LHPP: variants seen among roughly 807,000 people sequenced by gnomAD.
LHPP encodes the protein phospholysine phosphohistidine inorganic pyrophosphate phosphatase.
LHPP carries 24 observed loss-of-function variants against 30.3 expected under a neutral mutation model. The observed-to-expected ratio is 0.79, with a 90% CI of 0.57 to 1.11. The LOEUF is 1.11. Among genes scored for constraint, LHPP ranks in the 50% most tolerant of loss-of-function variants. LHPP has a pLI of 0.00. For synonymous variants in LHPP, 150 were observed against 157.1 expected, an observed-to-expected ratio of 0.95 and a Z score of 0.34; for missense variants, 356 against 367.2, an observed-to-expected ratio of 0.97 and a Z score of 0.25.
chr10:124,514,305 T>C (rs956354129), intron 5 of LHPP, among the ~76,000 whole-genome samples: 3 of 152,168 alleles, frequency 2.0e-5, no homozygotes. Flanking sequence ...TTTCTGGTGT[T>C]GATGTGTATT....
intron 6 of LHPP, among the ~76,000 whole-genome samples, chr10:124,535,526 G>A (rs946340409): frequency 6.6e-6 from 1 of 152,110 alleles, no homozygotes; most frequent in Non-Finnish European, 1.5e-5. Context: ...CTCCCAAGTA[G>A]CCGGGACTAT....
In LHPP at chr10:124,488,575, G is replaced by C. The variant is rs759925730; in HGVS notation, c.467G>C (p.Gly156Ala). ...EKPVLISLGK[G>A]RYYKETSGLM... ...CCTGTGCTCATATCACTGGGAAAAG[G>C]GTAAGTTGGCTCCAGGGAGAGTCAT... The change falls in exon 3 of 7, where the codon GGG (glycine) becomes GCG (alanine). Residue 156 changes from glycine (G) to alanine (A), a missense_variant and splice_region_variant. Physicochemically the swap from Gly to Ala is moderately conservative, Grantham distance 60. Transcript: ENST00000368842. 1.2e-6 allele frequency: 2 copies of C among 1,606,300 alleles called. No individual in the cohort carries two copies. Among genetic ancestry groups the C allele is most frequent in the African/African-American group, 2.7e-5 (2 of 74,038 alleles).
chr10:124,604,010 C>T (rs1301399425), intron 6 of LHPP, among the ~76,000 whole-genome samples: 1 of 152,214 alleles, frequency 6.6e-6, no homozygotes, highest in Non-Finnish European at 1.5e-5. Flanking sequence ...AGGTCAGAGT[C>T]CTTTGTGTGC....
chr10:124,549,644 G>A (rs558374529), intron 6 of LHPP, among the ~76,000 whole-genome samples: 23 of 152,346 alleles, frequency 1.5e-4, no homozygotes, highest in Non-Finnish European at 2.5e-4. Flanking sequence ...ACAACATCTG[G>A]GGTTGCCATG....
intron 6 of LHPP, among the ~76,000 whole-genome samples, chr10:124,555,275 C>T: frequency 6.6e-6 from 1 of 152,186 alleles, no homozygotes; most frequent in East Asian, 1.9e-4. Flanking sequence ...GGACCACAGC[C>T]ACAGGCCTGC....
chr10:124,554,696 A>C (rs1035331414), intron 6 of LHPP, among the ~76,000 whole-genome samples: 1 of 152,050 alleles, frequency 6.6e-6, no homozygotes, highest in African/African-American at 2.4e-5. Flanking sequence ...GGCTGTCTGC[A>C]CCTCGCTTAC....
chr10:124,610,353 G>A (rs1949157714), intron 6 of LHPP, among the ~76,000 whole-genome samples: 1 of 144,420 alleles, frequency 6.9e-6, no homozygotes, highest in African/African-American at 2.7e-5. Flanking sequence ...GCGGGTGAGG[G>A]TGCGGGTGAG....
chr10:124,592,218 T>C lies in LHPP; in HGVS notation c.717-21046T>C, dbSNP rs1440140992. Among the ~76,000 whole-genome samples, 1 of 152,130 alleles carries C rather than the reference T, an allele frequency of 6.6e-6. No homozygotes were observed. Among genetic ancestry groups the C allele is most frequent in the Non-Finnish European group, 1.5e-5 (1 of 68,026 alleles). ...GGTGGCCTGCCTGCATATGCCAGGT[T>C]CTGTGTATCACATCTCTCACCAGGA... On this transcript the variant is annotated intron_variant, in intron 6 of 6. Transcript: ENST00000368842. This position sits in a 1 kb window ranked among gnomAD's most constrained non-coding sequence, Gnocchi z 6.2.
intron 1 of LHPP, among the ~76,000 whole-genome samples, chr10:124,477,400 G>T (rs1159932635): frequency 2.0e-5 from 3 of 152,190 alleles, no homozygotes; most frequent in African/African-American, 4.8e-5. Context: ...CAGCACACCA[G>T]GTGATGTCTG....
intron 6 of LHPP, among the ~76,000 whole-genome samples, chr10:124,538,947 C>A (rs562736073): frequency 9.2e-5 from 14 of 152,304 alleles, no homozygotes; most frequent in Admixed American, 2.6e-4. Context: ...CAAGGCCCTT[C>A]ATTTCTCTAA....
At chr10:124,611,164 G>A (rs1949192958) in intron 6 of LHPP, among the ~76,000 whole-genome samples, 1 of 151,868 alleles carries the variant, frequency 6.6e-6, no homozygotes, top group South Asian at 2.1e-4. Flanking sequence ...GATCCCCACT[G>A]GTACTGGCAT....
At chr10:124,564,240 C>T (rs774527398) in intron 6 of LHPP, among the ~76,000 whole-genome samples, 1 of 151,878 alleles carries the variant, frequency 6.6e-6, no homozygotes, top group Non-Finnish European at 1.5e-5. Flanking sequence ...TCTCCTGCTT[C>T]AGCCTCCCGA....
intron 6 of LHPP, among the ~76,000 whole-genome samples, chr10:124,577,737 T>G (rs75413840): frequency 0.018 from 1,759 of 99,750 alleles, 13 homozygotes; most frequent in Non-Finnish European, 0.03. Flanking sequence ...CATATGCACA[T>G]ACCTTCACCT....
Position 124,590,903 on chromosome 10 carries a change from G to A in LHPP, c.717-22361G>A, listed in dbSNP as rs942413395. 9.9e-5 allele frequency among the ~76,000 whole-genome samples: 15 copies of A among 152,244 alleles called. No individual in the cohort carries two copies. Among genetic ancestry groups the A allele is most frequent in the African/African-American group, 3.6e-4 (15 of 41,466 alleles). On this transcript the variant is annotated intron_variant, in intron 6 of 6. Coordinates refer to ENST00000368842, the MANE Select transcript of LHPP (RefSeq NM_022126.4). This position sits in a 1 kb window ranked among gnomAD's most constrained non-coding sequence, Gnocchi z 4.3. ...TGGGACTGTGTCATTGGTAAACACT[G>A]CAACAGGCCTCCTTTCCAGGAAACA... is the stretch of plus-strand genomic sequence containing the variant.
intron 5 of LHPP, among the ~76,000 whole-genome samples, chr10:124,511,934 C>G (rs999863954): frequency 6.6e-6 from 1 of 152,050 alleles, no homozygotes; most frequent in African/African-American, 2.4e-5. Context: ...TGTCCTACAA[C>G]CTGGTTGGCC....
At chr10:124,579,918 C>T (rs1948722753) in intron 6 of LHPP, among the ~76,000 whole-genome samples, 1 of 152,202 alleles carries the variant, frequency 6.6e-6, no homozygotes, top group African/African-American at 2.4e-5. Flanking sequence ...TATCCCACAT[C>T]CTGGCCAGTT....
intron 2 of LHPP, among the ~76,000 whole-genome samples, chr10:124,486,497 G>A (rs767804810): frequency 6.6e-5 from 10 of 152,222 alleles, no homozygotes; most frequent in Admixed American, 2.0e-4. Context: ...TAAATTCAGC[G>A]AAGAGAGGAG....
At position 124,523,408 on chromosome 10, in the gene LHPP, G is replaced by A. The variant is rs915398997; in HGVS notation, c.716+6137G>A. On this transcript the variant is annotated intron_variant, in intron 6 of 6. Coordinates refer to ENST00000368842, the MANE Select transcript of LHPP (RefSeq NM_022126.4). This position sits in a 1 kb window ranked among gnomAD's most constrained non-coding sequence, Gnocchi z 4.2. Reference sequence around the variant, plus strand: ...GCTGTGGAGCTGGCTGCGTCGGGAGGGAGAGTGCCCCCACGCCTGGCCTTT... The same window carrying A: ...GCTGTGGAGCTGGCTGCGTCGGGAGAGAGAGTGCCCCCACGCCTGGCCTTT... Among the ~76,000 whole-genome samples the A allele has an allele frequency of 6.6e-6, 1 of 152,228 alleles. No homozygotes were observed. Among genetic ancestry groups the A allele is most frequent in the African/African-American group, 2.4e-5 (1 of 41,462 alleles).
chr10:124,509,692 G>A (rs1335500836), intron 5 of LHPP, among the ~76,000 whole-genome samples: 1 of 151,040 alleles, frequency 6.6e-6, no homozygotes, highest in East Asian at 1.9e-4. Flanking sequence ...GTTCCTTTGG[G>A]GCCTGGATTC....
Sources: allele counts gnomAD v4.1 joint callset (sites outside exome capture counted in the v4.1 genomes callset), GRCh38; gene constraint gnomAD v4.1.1; non-coding constraint Gnocchi (gnomAD v3.1); transcripts MANE v1.5; gene names NCBI Gene and HGNC (gene_info 2026-07-23, HGNC 2026-07-21).